The following PHLDB1 variants were observed in gnomAD, a reference collection of about 807,000 sequenced individuals.
PHLDB1 encodes the protein pleckstrin homology like domain family B member 1, also known as pleckstrin homology-like domain family B member 1.
PHLDB1 carries 65 observed loss-of-function variants against 139.3 expected under a neutral mutation model. The ratio of observed to expected loss-of-function variants is 0.47; its 90% CI spans 0.38 to 0.57. PHLDB1 has a LOEUF of 0.57. Ranked by LOEUF, PHLDB1 falls within the 20% of genes least tolerant of loss-of-function variation. The pLI is 0.00. For missense variants in PHLDB1, 1,624 were observed against 1,839.7 expected (o/e 0.88, Z 2.14); for synonymous variants, 679 against 734.5 (o/e 0.92, Z 1.22).
chr11:118,608,660 A>G lies in PHLDB1; in HGVS notation c.-22+961A>G, dbSNP rs1240179134. Reference sequence around the variant, plus strand: ...CTCACCCCCCAGCCGTCAAACGCAAACGCAGGCGCCCCACCACGCCGGGCT... The same window carrying G: ...CTCACCCCCCAGCCGTCAAACGCAAGCGCAGGCGCCCCACCACGCCGGGCT... On this transcript the variant is annotated intron_variant, in intron 1 of 22. Transcript: ENST00000600882. This position sits in a 1 kb window ranked among gnomAD's most constrained non-coding sequence, Gnocchi z 6.7. Among the ~76,000 whole-genome samples, 1 of 152,018 alleles carries G rather than the reference A, an allele frequency of 6.6e-6. No homozygotes were observed. The highest frequency in any genetic ancestry group is 1.5e-5 in the Non-Finnish European group (1 of 67,944).
rs1447381225 is a variant in PHLDB1 at position 118,648,070 on chromosome 11, T to A, written c.3648T>A (p.Phe1216Leu). The A allele has an allele frequency of 1.9e-6, 3 of 1,613,346 alleles. No individual in the cohort carries two copies. Among genetic ancestry groups the A allele is most frequent in the Admixed American group, 1.7e-5 (1 of 59,962 alleles). The change falls in exon 18 of 23, where the codon TTT becomes TTA. Residue 1216 changes from phenylalanine (F) to leucine (L), a missense_variant. Physicochemically the swap from Phe to Leu is conservative, Grantham distance 22. Coordinates refer to ENST00000600882, the MANE Select transcript of PHLDB1 (RefSeq NM_001144758.3). ...AGGTCAAGATGCGGGAGAAACAATT[T>A]TCCCAGGTGAATGGGCAGTGGGGCA... The part of the protein sequence containing the change: ...EKEVKMREKQ[F>L]SQARPLTRYL...
At position 118,631,206 on chromosome 11, in the gene PHLDB1, G is replaced by C. The variant is rs782027163; in HGVS notation, c.1828-1G>C. 7.0e-7 allele frequency: 1 copy of C among 1,423,580 alleles called. No homozygotes were observed. Among genetic ancestry groups the C allele is most frequent in the Non-Finnish European group, 9.2e-7 (1 of 1,084,366 alleles). 88.2% of individuals were successfully genotyped at this position (1,423,580 alleles called of 1,614,324 possible). ...TGTCCTGCTCTGTCCATCCTCCCCA[G>C]GAACGCCAGCGCCTGGAGACCATCC... On this transcript the variant is annotated splice_acceptor_variant, in intron 6 of 22. Transcript: ENST00000600882. LOFTEE classifies it high-confidence loss of function.
chr11:118,638,253 C>T (rs1945969021), intron 10 of PHLDB1, among the ~76,000 whole-genome samples: 1 of 152,112 alleles, frequency 6.6e-6, no homozygotes, highest in African/African-American at 2.4e-5. Flanking sequence ...GGTTCGGGAG[C>T]CCCGAATGCC....
chr11:118,642,292 G>T lies in PHLDB1; in HGVS notation c.2775G>T (p.Gln925His). 1 of 1,613,124 alleles carries T rather than the reference G, an allele frequency of 6.2e-7. No homozygotes were observed. Among genetic ancestry groups the T allele is most frequent in the Non-Finnish European group, 8.5e-7 (1 of 1,179,968 alleles). ...KLLLPAVDLE[Q>H]WYQELMAGLG... ...TGCTCCCTGCTGTAGACTTAGAGCAGTGGTACCAGGAGCTGATGGCCGGGC... is the reference window on the plus strand; with the variant it reads ...TGCTCCCTGCTGTAGACTTAGAGCATTGGTACCAGGAGCTGATGGCCGGGC... Residue 925 changes from glutamine to histidine, a missense_variant, in exon 13 of 23, where the codon CAG becomes CAT. Coordinates refer to ENST00000600882, the MANE Select transcript of PHLDB1 (RefSeq NM_001144758.3).
chr11:118,656,740 G>A lies in PHLDB1; in HGVS notation c.4051G>A (p.Val1351Met). ...VKTHDRLYYM[V>M]APSAEAMRIW... ...GACCCATGACCGGCTGTACTACATGGTGGCCCCATCTGCAGAGGCCATGCG... is the reference window on the plus strand; with the variant it reads ...GACCCATGACCGGCTGTACTACATGATGGCCCCATCTGCAGAGGCCATGCG... The change falls in exon 23 of 23, where the codon GTG (valine) becomes ATG (methionine). Residue 1351 changes from valine (V) to methionine (M), a missense_variant. Transcript: ENST00000600882. 6.2e-7 allele frequency: 1 copy of A among 1,613,812 alleles called. No individual in the cohort carries two copies. Among genetic ancestry groups the A allele is most frequent in the Non-Finnish European group, 8.5e-7 (1 of 1,179,704 alleles).
rs782279036 is a variant in PHLDB1 at position 118,638,966 on chromosome 11, C to T, written c.2611C>T (p.Arg871Trp). 20 of 1,613,522 alleles carry T rather than the reference C, an allele frequency of 1.2e-5. No individual in the cohort carries two copies. Among genetic ancestry groups the T allele is most frequent in the Admixed American group, 6.7e-5 (4 of 59,942 alleles). ...QAVQESERLA[R>W]DKNASLQLLQ... Reference sequence around the variant, plus strand: ...CGTGCAGGAATCAGAACGCCTGGCCCGGGACAAGAATGCCTCCTTACAGCT... The same window carrying T: ...CGTGCAGGAATCAGAACGCCTGGCCTGGGACAAGAATGCCTCCTTACAGCT... Residue 871 changes from arginine (R) to tryptophan (W), a missense_variant, in exon 11 of 23, where the codon CGG (arginine) becomes TGG (tryptophan). Transcript: ENST00000600882.
intron 4 of PHLDB1, 127 bp downstream of exon 4, chr11:118,616,338 C>T (rs1362148332): frequency 1.3e-6 from 1 of 768,208 alleles, no homozygotes; most frequent in Non-Finnish European, 2.1e-6. Context: ...GAATGGAGTA[C>T]TCAGGTGCAT....
intron 22 of PHLDB1, 79 bp from the exon 23 acceptor site, chr11:118,656,604 G>A: frequency 7.0e-7 from 1 of 1,420,134 alleles, no homozygotes; most frequent in East Asian, 2.3e-5. Flanking sequence ...GGAGGGGAAA[G>A]GGCAGATAGG....
upstream of PHLDB1, chr11:118,607,515 G>C (rs1216125945): frequency 1.5e-5 from 2 of 134,576 alleles, no homozygotes; most frequent in Non-Finnish European, 1.6e-5. Context: ...TCTTTGGCTG[G>C]CCAGGCGGAC....
At chr11:118,609,213 A>T (rs1939678386) in intron 1 of PHLDB1, among the ~76,000 whole-genome samples, 1 of 135,240 alleles carries the variant, frequency 7.4e-6, no homozygotes, top group African/African-American at 2.9e-5. Context: ...CCAGTTATAC[A>T]CACACAGCCC....
chr11:118,611,819 A>AT lies in PHLDB1; in HGVS notation c.-21-1997_-21-1996insT, dbSNP rs1555084107. On this transcript the variant is annotated intron_variant, in intron 1 of 22. Coordinates refer to ENST00000600882, the MANE Select transcript of PHLDB1 (RefSeq NM_001144758.3). The surrounding 1 kb of genome is among the most constrained non-coding windows in gnomAD (Gnocchi z 4.7). ...GGCAACAAGAGTGAAACTCCGTCTC[A>AT]AAAAAAAAAAAAAAATAATAATAAT... Among the ~76,000 whole-genome samples, 23 of 131,868 alleles carry AT rather than the reference A, an allele frequency of 1.7e-4. No homozygotes were observed. Among genetic ancestry groups the AT allele is most frequent in the Non-Finnish European group, 2.7e-4 (16 of 59,150 alleles). The allele number at this position is 131,868 out of a possible 152,430, so 86.5% of individuals were successfully genotyped here.
chr11:118,614,882 G>A, intron 3 of PHLDB1, 200 bp downstream of exon 3: 1 of 553,658 alleles, frequency 1.8e-6, no homozygotes, highest in Non-Finnish European at 3.2e-6. Flanking sequence ...TCCACGACTG[G>A]GCTTAAAGAT....
At chr11:118,623,196 T>A (rs1474894896) in intron 4 of PHLDB1, among the ~76,000 whole-genome samples, 1 of 152,180 alleles carries the variant, frequency 6.6e-6, no homozygotes, top group African/African-American at 2.4e-5. Context: ...GCGTGAAGCT[T>A]GGGGTGCCAA....
In PHLDB1 at chr11:118,644,060, A is replaced by G. The variant is rs372113434; in HGVS notation, c.3019-12A>G. ...TTCTGAGCCCAGGTCCGAACTCTCC[A>G]TTCCTCTGCAGAGCGCTCTACTCAC... On this transcript the variant is annotated splice_polypyrimidine_tract_variant and intron_variant, in intron 14 of 22. Coordinates refer to ENST00000600882, the MANE Select transcript of PHLDB1 (RefSeq NM_001144758.3). 127 of 1,613,016 alleles carry G rather than the reference A, an allele frequency of 7.9e-5. No homozygotes were observed. Among genetic ancestry groups the G allele is most frequent in the Non-Finnish European group, 1.0e-4 (119 of 1,179,360 alleles).
intron 2 of PHLDB1, among the ~76,000 whole-genome samples, chr11:118,614,131 T>C (rs1941087625): frequency 6.6e-6 from 1 of 152,122 alleles, no homozygotes; most frequent in Admixed American, 6.5e-5. Context: ...CTGGGCTGTA[T>C]CACTCTCCTT....
chr11:118,615,693 GA>G, intron 3 of PHLDB1: 22 of 228,920 alleles, frequency 9.6e-5, no homozygotes, highest in East Asian at 2.8e-4. Flanking sequence ...GGATGAAGGG[GA>G]AAAAGGATAA....
chr11:118,645,264 G>T lies in PHLDB1; in HGVS notation c.3122-92G>T. On this transcript the variant is annotated intron_variant, in intron 15 of 22. Coordinates refer to ENST00000600882, the MANE Select transcript of PHLDB1 (RefSeq NM_001144758.3). This position sits in a 1 kb window ranked among gnomAD's most constrained non-coding sequence, Gnocchi z 5.1. ...GGCTGCTCTGTGTTAACCTCTCCCT[G>T]CTTGCCCCTCCCTCTGTGTGTTGTG... is the stretch of plus-strand genomic sequence containing the variant. The T allele has an allele frequency of 1.0e-6, 1 of 978,676 alleles. No individual in the cohort carries two copies. The allele number at this position is 978,676 out of a possible 1,614,324, so 60.6% of individuals were successfully genotyped here.
rs1948173483 is a variant in PHLDB1, at chr11:118,650,356, C to T, written c.3772-89C>T. The T allele has an allele frequency of 9.7e-7, 1 of 1,033,544 alleles. No homozygotes were observed. Among genetic ancestry groups the T allele is most frequent in the Admixed American group, 1.7e-5 (1 of 59,018 alleles). The allele number at this position is 1,033,544 out of a possible 1,614,324, so 64.0% of individuals were successfully genotyped here. On this transcript the variant is annotated intron_variant, in intron 19 of 22. Coordinates refer to ENST00000600882, the MANE Select transcript of PHLDB1 (RefSeq NM_001144758.3). This position sits in a 1 kb window ranked among gnomAD's most constrained non-coding sequence, Gnocchi z 4.7. ...GGCCTGAGGAGATGTTGGGGACAAT[C>T]CCCCATGAATACAGGCACAGGCGAT...
chr11:118,649,828 G>A (rs1044739574), intron 18 of PHLDB1, among the ~76,000 whole-genome samples: 3 of 152,188 alleles, frequency 2.0e-5, no homozygotes, highest in African/African-American at 2.4e-5. Context: ...CAAAGATGCC[G>A]TGTCTTGGTC....
Sources: gnomAD v4.1 joint callset for allele counts (sites outside exome capture counted in the v4.1 genomes callset) on GRCh38, gnomAD v4.1.1 for gene constraint, Gnocchi (gnomAD v3.1) non-coding constraint, MANE v1.5 for transcripts, NCBI Gene and HGNC (gene_info 2026-07-23, HGNC 2026-07-21) for gene names.